SNTG1: variants seen among roughly 807,000 people sequenced by gnomAD.
SNTG1 encodes the protein syntrophin gamma 1.
In SNTG1, 39 loss-of-function variants were observed where a neutral mutation model predicts 74.7. That is an observed-to-expected ratio of 0.52 (90% CI 0.40 to 0.68). The LOEUF (loss-of-function observed/expected upper bound fraction) is 0.68. SNTG1 is among the 30% of genes least tolerant of loss of function. The probability of loss-of-function intolerance (pLI) is 0.00; values close to 1 mark genes in which losing one functional copy is unlikely to be tolerated. For missense variants in SNTG1, 685 were observed against 609.5 expected, an observed-to-expected ratio of 1.12 and a Z score of -1.30; for synonymous variants, 254 against 217.1, an observed-to-expected ratio of 1.17 and a Z score of -1.49.
chr8:50,502,283 T>G (rs1410710622), intron 8 of SNTG1, among the ~76,000 whole-genome samples: 3 of 152,192 alleles, frequency 2.0e-5, no homozygotes, highest in Non-Finnish European at 4.4e-5. Flanking sequence ...TAATCTGAAT[T>G]AGTACTCTGG....
intron 2 of SNTG1, among the ~76,000 whole-genome samples, chr8:50,357,122 C>T (rs2091839226): frequency 6.6e-6 from 1 of 152,200 alleles, no homozygotes; most frequent in African/African-American, 2.4e-5. Flanking sequence ...GAGCTGGCTT[C>T]ACCTCCCTCC....
At chr8:50,563,215 C>T (rs2094498007) in intron 12 of SNTG1, among the ~76,000 whole-genome samples, 1 of 152,102 alleles carries the variant, frequency 6.6e-6, no homozygotes, top group South Asian at 2.1e-4. Context: ...TGCCTGTATC[C>T]TTGTATTTCC....
At chr8:50,527,011 T>C (rs1243443602) in intron 9 of SNTG1, among the ~76,000 whole-genome samples, 3 of 152,146 alleles carry the variant, frequency 2.0e-5, no homozygotes, top group Non-Finnish European at 4.4e-5. Flanking sequence ...CAATATTTGA[T>C]GCTCAAATAT....
At chr8:50,396,158 T>C (rs1177132548) in intron 3 of SNTG1, among the ~76,000 whole-genome samples, 1 of 152,244 alleles carries the variant, frequency 6.6e-6, no homozygotes, top group Non-Finnish European at 1.5e-5. Context: ...CTAGCTCTTG[T>C]AAATTAGTAA....
intron 1 of SNTG1, among the ~76,000 whole-genome samples, chr8:49,955,951 A>G (rs1490470370): frequency 6.6e-6 from 1 of 152,066 alleles, no homozygotes; most frequent in African/African-American, 2.4e-5. Context: ...ATGTCATCTC[A>G]TTTTCTATGC....
intron 13 of SNTG1, among the ~76,000 whole-genome samples, chr8:50,650,040 G>T (rs1262541357): frequency 6.6e-6 from 1 of 151,478 alleles, no homozygotes; most frequent in Non-Finnish European, 1.5e-5. Context: ...ATTGTTAGTG[G>T]TGGTAGTGTA....
chr8:50,742,036 A>G (rs1563799491), intron 17 of SNTG1, among the ~76,000 whole-genome samples: 1 of 152,004 alleles, frequency 6.6e-6, no homozygotes. Context: ...AATAATATCA[A>G]TGTAGGTTCG....
chr8:50,295,958 G>A (rs1181186022), intron 2 of SNTG1, among the ~76,000 whole-genome samples: 1 of 152,150 alleles, frequency 6.6e-6, no homozygotes, highest in African/African-American at 2.4e-5. Context: ...TAAATCCTAT[G>A]ATGGCATTTG....
chr8:50,165,721 C>A (rs953893801), intron 1 of SNTG1, among the ~76,000 whole-genome samples: 5 of 152,082 alleles, frequency 3.3e-5, no homozygotes, highest in African/African-American at 9.7e-5. Context: ...GATTGGAAAA[C>A]CTTAGTGGTT....
At chr8:50,321,392 T>A (rs1399616796) in intron 2 of SNTG1, among the ~76,000 whole-genome samples, 2 of 152,152 alleles carry the variant, frequency 1.3e-5, no homozygotes, top group Non-Finnish European at 2.9e-5. Context: ...AACATATTTT[T>A]CCATCCCTTT....
intron 2 of SNTG1, 111 bp from the exon 3 acceptor site, chr8:50,394,101 G>T: frequency 1.4e-6 from 1 of 735,520 alleles, no homozygotes; most frequent in Non-Finnish European, 2.2e-6. Context: ...ACAAGTGGTT[G>T]TAAACACAGT....
intron 1 of SNTG1, among the ~76,000 whole-genome samples, chr8:50,075,803 G>A (rs556967836): frequency 6.6e-6 from 1 of 152,190 alleles, no homozygotes; most frequent in African/African-American, 2.4e-5. Flanking sequence ...GCCGCCTTAA[G>A]AGCTATAACA....
chr8:50,625,502 C>A (rs1464052277), intron 13 of SNTG1, among the ~76,000 whole-genome samples: 1 of 152,114 alleles, frequency 6.6e-6, no homozygotes, highest in African/African-American at 2.4e-5. Context: ...TAAATATATA[C>A]AATTTTTGTC....
rs533594710 is a variant in SNTG1, at chr8:49,931,197, A to G, written c.-103+18966A>G. ...AGCTCTGATATACATGCAGAGCAAC[A>G]GGAACTCTCATATTGCAGGTGGCAG... On this transcript the variant is annotated intron_variant, in intron 1 of 18. Transcript: ENST00000642720. Among the ~76,000 whole-genome samples the G allele has an allele frequency of 1.2e-4, 19 of 152,368 alleles. No individual in the cohort carries two copies. The South Asian group carries it at 3.3e-3, about 27-fold the overall frequency.
At chr8:50,410,308 G>A (rs1362672919) in intron 4 of SNTG1, among the ~76,000 whole-genome samples, 1 of 152,056 alleles carries the variant, frequency 6.6e-6, no homozygotes, top group Non-Finnish European at 1.5e-5. Context: ...ACATCACAGA[G>A]CTACTCACTG....
At chr8:50,406,150 A>G (rs981232159) in intron 4 of SNTG1, among the ~76,000 whole-genome samples, 1 of 152,070 alleles carries the variant, frequency 6.6e-6, no homozygotes, top group African/African-American at 2.4e-5. Context: ...TGGACATCTT[A>G]ATAATAGTAA....
At chr8:50,492,204 A>G (rs527931171) in intron 8 of SNTG1, among the ~76,000 whole-genome samples, 1 of 152,196 alleles carries the variant, frequency 6.6e-6, no homozygotes, top group Admixed American at 6.5e-5. Flanking sequence ...ATATGTGTGC[A>G]TGTGTCTTTA....
At chr8:50,085,285 C>A (rs1457400494) in intron 1 of SNTG1, among the ~76,000 whole-genome samples, 2 of 151,774 alleles carry the variant, frequency 1.3e-5, no homozygotes, top group Non-Finnish European at 2.9e-5. Flanking sequence ...CTGACAACTC[C>A]ATAGCAGCAT....
At position 50,668,532 on chromosome 8, in the gene SNTG1, A is replaced by G. The variant is rs2131328024; in HGVS notation, c.1038+9869A>G. On this transcript the variant is annotated intron_variant, in intron 15 of 18. Transcript: ENST00000642720. Reference sequence around the variant, plus strand: ...TATTATTATTATTATTATTATTATTATTATTTTGCTTTAAGTTCTGGGATA... The same window carrying G: ...TATTATTATTATTATTATTATTATTGTTATTTTGCTTTAAGTTCTGGGATA... Among the ~76,000 whole-genome samples the G allele has an allele frequency of 1.7e-5, 2 of 116,308 alleles. 1 individual carries two copies. Among genetic ancestry groups the G allele is most frequent in the South Asian group, 5.2e-4 (2 of 3,826 alleles). The allele number at this position is 116,308 out of a possible 152,430, so 76.3% of individuals were successfully genotyped here.
Sources: allele counts gnomAD v4.1 joint callset (sites outside exome capture counted in the v4.1 genomes callset), GRCh38; gene constraint gnomAD v4.1.1; transcripts MANE v1.5; gene names NCBI Gene and HGNC (gene_info 2026-07-23, HGNC 2026-07-21).